The following CLRN1 variants were observed in gnomAD, a reference collection of about 807,000 sequenced individuals.
CLRN1 encodes the protein clarin 1, also known as clarin-1.
A neutral mutation model predicts 18.7 loss-of-function variants in CLRN1; 15 were observed. The ratio of observed to expected loss-of-function variants is 0.80; its 90% CI spans 0.54 to 1.23. The LOEUF (loss-of-function observed/expected upper bound fraction) is 1.23, where lower values mean the gene tolerates loss of function less well. Among genes scored for constraint, CLRN1 ranks in the 50% most tolerant of loss-of-function variants. The probability of loss-of-function intolerance (pLI) is 0.00; values close to 1 mark genes in which losing one functional copy is unlikely to be tolerated. For missense variants in CLRN1, 311 were observed against 277.5 expected, an observed-to-expected ratio of 1.12 and a Z score of -0.86; for synonymous variants, 104 against 102.9, an observed-to-expected ratio of 1.01 and a Z score of -0.07.
chr3:150,964,266 C>CAAAAGA (rs1173510777), intron 1 of CLRN1, among the ~76,000 whole-genome samples: 21 of 152,116 alleles, frequency 1.4e-4, no homozygotes, highest in African/African-American at 5.1e-4. Flanking sequence ...GGACACTTCT[C>CAAAAGA]AAAAGAAGAC....
chr3:150,960,942 C>CAG (rs1714995052), intron 1 of CLRN1, among the ~76,000 whole-genome samples: 1 of 152,232 alleles, frequency 6.6e-6, no homozygotes, highest in Admixed American at 6.5e-5. Context: ...GGTGAGCAGG[C>CAG]TCCTGTAACT....
chr3:150,954,301 G>A (rs1714632695), intron 1 of CLRN1, among the ~76,000 whole-genome samples: 1 of 152,182 alleles, frequency 6.6e-6, no homozygotes, highest in Admixed American at 6.5e-5. Context: ...GCACTTGACA[G>A]GTTTTTAAAG....
At chr3:150,968,733 C>T (rs915291252) in intron 1 of CLRN1, among the ~76,000 whole-genome samples, 1 of 152,168 alleles carries the variant, frequency 6.6e-6, no homozygotes, top group Non-Finnish European at 1.5e-5. Flanking sequence ...AGGAAAAATT[C>T]AATTAAAATA....
At chr3:150,955,891 C>T (rs547970236) in intron 1 of CLRN1, among the ~76,000 whole-genome samples, 102 of 152,246 alleles carry the variant, frequency 6.7e-4, no homozygotes, top group Non-Finnish European at 7.1e-4. Context: ...TTCACCCATA[C>T]GCCTACCAAT....
chr3:150,936,350 AACTG>A (rs773308034), intron 2 of CLRN1, among the ~76,000 whole-genome samples: 12 of 152,132 alleles, frequency 7.9e-5, no homozygotes, highest in Non-Finnish European at 1.3e-4. Context: ...AGATTCATGT[AACTG>A]ACTATTTACT....
chr3:150,944,054 A>G, intron 1 of CLRN1: 1 of 832,440 alleles, frequency 1.2e-6, no homozygotes, highest in Middle Eastern at 2.9e-4. Context: ...AAATAGGGTA[A>G]TGGGATTTTG....
chr3:150,970,835 C>G (rs892138053), intron 1 of CLRN1, among the ~76,000 whole-genome samples: 2 of 152,134 alleles, frequency 1.3e-5, no homozygotes, highest in African/African-American at 2.4e-5. Context: ...TTAGACAGGA[C>G]AAGCATAGGA....
chr3:150,941,748 C>A lies in CLRN1; in HGVS notation c.267G>T (p.Leu89Phe). 6.2e-7 allele frequency: 1 copy of A among 1,613,904 alleles called. No homozygotes were observed. The change falls in exon 2 of 3, where the codon TTG becomes TTT. Residue 89 changes from leucine to phenylalanine, a missense_variant. Coordinates refer to ENST00000327047, the MANE Select transcript of CLRN1 (RefSeq NM_174878.3). The stretch of plus-strand genomic sequence containing the variant: ...GGATGCTCACTGGGATTGCTTTGAG[C>A]AAATCTGGAAAAACTGAAGATAAGA... ...RPFRFSFFPDLLKAIPVSIHV... is the reference protein window; with the variant it reads ...RPFRFSFFPDFLKAIPVSIHV...
At chr3:150,969,913 T>G (rs1365220416) in intron 1 of CLRN1, among the ~76,000 whole-genome samples, 1 of 152,154 alleles carries the variant, frequency 6.6e-6, no homozygotes, top group Non-Finnish European at 1.5e-5. Context: ...GAGGGGTAGT[T>G]GCAGTGAGCC....
intron 2 of CLRN1, among the ~76,000 whole-genome samples, chr3:150,929,198 T>C (rs565381372): frequency 9.3e-4 from 141 of 152,332 alleles, no homozygotes; most frequent in Middle Eastern, 3.4e-3. Context: ...TTTTAACAGA[T>C]GTAGCTGTGA....
At chr3:150,940,134 C>T (rs758212080) in intron 2 of CLRN1, among the ~76,000 whole-genome samples, 21 of 152,198 alleles carry the variant, frequency 1.4e-4, no homozygotes, top group Non-Finnish European at 2.4e-4. Flanking sequence ...ATGCTGAATG[C>T]TTTCGTTAGA....
chr3:150,957,246 C>T (rs1015311514), intron 1 of CLRN1, among the ~76,000 whole-genome samples: 1 of 147,770 alleles, frequency 6.8e-6, no homozygotes, highest in Admixed American at 6.7e-5. Flanking sequence ...TATACACACA[C>T]ACACACACAC....
At chr3:150,936,229 T>C (rs192706400) in intron 2 of CLRN1, among the ~76,000 whole-genome samples, 1 of 152,318 alleles carries the variant, frequency 6.6e-6, no homozygotes, top group Non-Finnish European at 1.5e-5. Context: ...TTTTTATCTA[T>C]GTGCATTCTC....
intron 1 of CLRN1, among the ~76,000 whole-genome samples, chr3:150,966,068 C>G (rs578187592): frequency 6.6e-6 from 1 of 152,222 alleles, no homozygotes; most frequent in Non-Finnish European, 1.5e-5. Context: ...GCCCATAATT[C>G]CAGCACTTTG....
Position 150,940,482 on chromosome 3 carries a change from T to C in CLRN1, c.433+1100A>G, listed in dbSNP as rs1158262357. ...GTAGTGTCAAGAGCAAGAAAGTACC[T>C]TGAGCCTGGTGCCTGGTAGCTGGCA... is the stretch of plus-strand genomic sequence containing the variant. On this transcript the variant is annotated intron_variant, in intron 2 of 2. Transcript: ENST00000327047. 5 of 1,534,804 alleles carry C rather than the reference T, an allele frequency of 3.3e-6. No individual in the cohort carries two copies. The African/African-American group carries it at 5.5e-5, about 17-fold the overall frequency.
intron 1 of CLRN1, among the ~76,000 whole-genome samples, chr3:150,965,540 C>G (rs1006044127): frequency 3.3e-5 from 5 of 151,936 alleles, no homozygotes; most frequent in Non-Finnish European, 7.4e-5. Context: ...TTTTTTTCTT[C>G]TGAGAAGTCT....
intron 1 of CLRN1, 49 bp downstream of exon 1, chr3:150,972,407 G>A (rs755869865): frequency 6.2e-7 from 1 of 1,613,432 alleles, no homozygotes; most frequent in Non-Finnish European, 8.5e-7. Flanking sequence ...GCAACACTGG[G>A]AAGAGTCTGC....
At chr3:150,930,269 C>T (rs1031336962) in intron 2 of CLRN1, among the ~76,000 whole-genome samples, 4 of 152,044 alleles carry the variant, frequency 2.6e-5, no homozygotes, top group East Asian at 1.9e-4. Flanking sequence ...GAGAGTACTG[C>T]AGGCAGGAGG....
chr3:150,962,266 G>A (rs1337162109), intron 1 of CLRN1, among the ~76,000 whole-genome samples: 1 of 152,186 alleles, frequency 6.6e-6, no homozygotes, highest in East Asian at 1.9e-4. Flanking sequence ...CAGGTACAAA[G>A]TTTGCTATTA....
Sources: allele counts gnomAD v4.1 joint callset (sites outside exome capture counted in the v4.1 genomes callset), GRCh38; gene constraint gnomAD v4.1.1; transcripts MANE v1.5; gene names NCBI Gene and HGNC (gene_info 2026-07-23, HGNC 2026-07-21).